The following INSR variants were observed in gnomAD, a reference collection of about 807,000 sequenced individuals.
The protein encoded by INSR is IR.
Under a neutral mutation model 142.6 loss-of-function variants are expected in INSR, and 67 were observed. The observed-to-expected ratio is 0.47, with a 90% CI of 0.39 to 0.58. The LOEUF (loss-of-function observed/expected upper bound fraction) is 0.58, where lower values mean the gene tolerates loss of function less well. INSR is among the 20% of genes least tolerant of loss of function. INSR has a pLI of 0.00. For missense variants in INSR, 1,248 were observed against 1,833.2 expected, an observed-to-expected ratio of 0.68 and a Z score of 5.83; for synonymous variants, 756 against 743.1, an observed-to-expected ratio of 1.02 and a Z score of -0.28.
intron 9 of INSR, among the ~76,000 whole-genome samples, chr19:7,153,215 A>ACACACAC (rs1568449647): frequency 2.4e-5 from 1 of 41,182 alleles, no homozygotes; most frequent in Admixed American, 3.1e-4. Context: ...ACCACACACC[A>ACACACAC]CACACACGCA....
chr19:7,218,076 G>T (rs2145091177), intron 2 of INSR, among the ~76,000 whole-genome samples: 1 of 152,100 alleles, frequency 6.6e-6, no homozygotes, highest in South Asian at 2.1e-4. Flanking sequence ...TGTGGCGGGG[G>T]AAGAGAGATT....
chr19:7,120,517 G>A (rs1295088408), intron 20 of INSR, 103 bp downstream of exon 20: 4 of 1,391,506 alleles, frequency 2.9e-6, no homozygotes, highest in Non-Finnish European at 2.0e-6. Flanking sequence ...TTTCCTTGAT[G>A]GGGCGTCCAG....
chr19:7,149,015 G>A (rs894822242), intron 11 of INSR, among the ~76,000 whole-genome samples: 1 of 151,970 alleles, frequency 6.6e-6, no homozygotes, highest in Non-Finnish European at 1.5e-5. Context: ...GGCTGGTCTC[G>A]AACTCCTGGC....
intron 1 of INSR, among the ~76,000 whole-genome samples, chr19:7,277,239 T>C (rs1369501571): frequency 6.6e-6 from 1 of 152,084 alleles, no homozygotes; most frequent in Non-Finnish European, 1.5e-5. Flanking sequence ...AGAATAGCTT[T>C]CAAATCTACC....
chr19:7,207,944 A>AGGAAGGAAGGAAGGGAG (rs1568487006), intron 2 of INSR, among the ~76,000 whole-genome samples: 4 of 46,376 alleles, frequency 8.6e-5, no homozygotes, highest in Non-Finnish European at 1.0e-4. Flanking sequence ...AAGGAAGGGA[A>AGGAAGGAAGGAAGGGAG]GGAGGGAGGG....
intron 11 of INSR, among the ~76,000 whole-genome samples, chr19:7,149,130 A>G (rs1044403659): frequency 1.3e-5 from 2 of 150,348 alleles, no homozygotes; most frequent in African/African-American, 4.9e-5. Context: ...GATGGTCTCG[A>G]TCTTCTGATC....
intron 2 of INSR, among the ~76,000 whole-genome samples, chr19:7,234,594 G>T (rs1027900934): frequency 3.3e-5 from 5 of 152,100 alleles, no homozygotes; most frequent in African/African-American, 1.2e-4. Context: ...TCCCCAGGGG[G>T]GTTTTGGAAT....
At chr19:7,264,376 C>G (rs921412795) in intron 2 of INSR, among the ~76,000 whole-genome samples, 2 of 152,068 alleles carry the variant, frequency 1.3e-5, no homozygotes, top group Admixed American at 1.3e-4. Flanking sequence ...CAACTGAACA[C>G]CCAGCAGGGA....
Position 7,143,142 on chromosome 19 carries a change from A to T in INSR, c.2268-52T>A, listed in dbSNP as rs74993959. On this transcript the variant is annotated intron_variant, in intron 11 of 21. Coordinates refer to ENST00000302850, the MANE Select transcript of INSR (RefSeq NM_000208.4). Reference sequence around the variant, plus strand: ...TGACACCATCACCATCATTTTTTTTAAAAAAGTGACACTGGAGAATAAAAG... The same window carrying T: ...TGACACCATCACCATCATTTTTTTTTAAAAAGTGACACTGGAGAATAAAAG... 2,111 of 1,564,776 alleles carry T rather than the reference A, an allele frequency of 1.3e-3. 18 individuals are homozygous for T. The East Asian group carries it at 0.025, about 18-fold the overall frequency.
chr19:7,203,322 C>T (rs905197384), intron 2 of INSR, among the ~76,000 whole-genome samples: 37 of 152,104 alleles, frequency 2.4e-4, no homozygotes, highest in Admixed American at 2.0e-4. Flanking sequence ...AAACGCCTCG[C>T]GCCTTGAATT....
rs771360391 is a variant in INSR at position 7,267,595 on chromosome 19, G to A, written c.402C>T (p.Tyr134=). ...AACCCCGGGTGATGTTCATCAGGTT[G>A]TAGAGGCCGAGTTCCTTGAGGTGAA... is the stretch of plus-strand genomic sequence containing the variant. ...EMVHLKELGL[Y]NLMNITRGSV... The change falls in exon 2 of 22, where the codon TAC becomes TAT. Residue 134 remains tyrosine, a synonymous_variant. Transcript: ENST00000302850. This position sits in a 1 kb window ranked among gnomAD's most constrained non-coding sequence, Gnocchi z 6.3. 1.9e-6 allele frequency: 3 copies of A among 1,614,144 alleles called. No homozygotes were observed. Among genetic ancestry groups the A allele is most frequent in the Non-Finnish European group, 2.5e-6 (3 of 1,180,036 alleles).
At chr19:7,286,961 C>A (rs970664428) in intron 1 of INSR, among the ~76,000 whole-genome samples, 25 of 151,956 alleles carry the variant, frequency 1.6e-4, no homozygotes, top group African/African-American at 6.0e-4. Context: ...GTCCTCCCAT[C>A]TCAGCCTCCC....
intron 9 of INSR, among the ~76,000 whole-genome samples, chr19:7,153,164 TACAC>T (rs1397504162): frequency 6.6e-4 from 6 of 9,110 alleles, no homozygotes; most frequent in African/African-American, 9.5e-4. Context: ...ACACCACACA[TACAC>T]ACACCACAAA....
At chr19:7,223,051 CGT>C (rs1975670444) in intron 2 of INSR, among the ~76,000 whole-genome samples, 1 of 152,092 alleles carries the variant, frequency 6.6e-6, no homozygotes, top group Non-Finnish European at 1.5e-5. Context: ...AGTGTGGTGG[CGT>C]GCACCTGTAA....
chr19:7,287,159 CT>C (rs34457204), intron 1 of INSR, among the ~76,000 whole-genome samples: 6,020 of 129,100 alleles, frequency 0.047, 386 homozygotes, highest in African/African-American at 0.16. Context: ...CAAAAATATT[CT>C]TTTTTTTTTT....
chr19:7,287,112 A>G (rs1968363505), intron 1 of INSR, among the ~76,000 whole-genome samples: 1 of 150,546 alleles, frequency 6.6e-6, no homozygotes, highest in Non-Finnish European at 1.5e-5. Flanking sequence ...AGCCTCCCAG[A>G]GTGCTGGGAT....
rs764650383 is a variant in INSR at position 7,119,556 on chromosome 19, G to A, written c.3687C>T (p.Ile1229=). 4 of 1,614,102 alleles carry A rather than the reference G, an allele frequency of 2.5e-6. No homozygotes were observed. The highest frequency in any genetic ancestry group is 1.7e-5 in the Admixed American group (1 of 59,994). Residue 1229 remains isoleucine, a synonymous_variant, in exon 21 of 22, where the codon ATC becomes ATT. Transcript: ENST00000302850. This position sits in a 1 kb window ranked among gnomAD's most constrained non-coding sequence, Gnocchi z 5.2. ...MWSFGVVLWE[I]TSLAEQPYQG... ...GGTAAGGCTGTTCTGCCAAGCTGGTGATTTCCCAAAGGACCACGCCAAAGG... is the reference window on the plus strand; with the variant it reads ...GGTAAGGCTGTTCTGCCAAGCTGGTAATTTCCCAAAGGACCACGCCAAAGG...
intron 13 of INSR, among the ~76,000 whole-genome samples, chr19:7,141,133 C>T (rs1025878172): frequency 7.2e-5 from 11 of 152,178 alleles, no homozygotes; most frequent in African/African-American, 2.7e-4. Flanking sequence ...ACCTCCACCT[C>T]CTGGCTTCAA....
chr19:7,260,654 A>G (rs1275691379), intron 2 of INSR, among the ~76,000 whole-genome samples: 1 of 152,054 alleles, frequency 6.6e-6, no homozygotes, highest in East Asian at 1.9e-4. Flanking sequence ...GGGTGGGCCC[A>G]TGGTGCTTAC....
Sources: allele counts gnomAD v4.1 joint callset (sites outside exome capture counted in the v4.1 genomes callset), GRCh38; gene constraint gnomAD v4.1.1; non-coding constraint Gnocchi (gnomAD v3.1); transcripts MANE v1.5; gene names NCBI Gene and HGNC (gene_info 2026-07-23, HGNC 2026-07-21).